Variants in FHOD3 observed in about 807,000 individuals in gnomAD.
FHOD3 encodes formin homology 2 domain containing 3, also known as FH1/FH2 domain-containing protein 3.
FHOD3 carries 90 observed loss-of-function variants against 173.0 expected under a neutral mutation model. The observed-to-expected ratio is 0.52, with a 90% confidence interval of 0.44 to 0.62. The LOEUF (loss-of-function observed/expected upper bound fraction) is 0.62, where lower values mean the gene tolerates loss of function less well. Ranked by LOEUF, FHOD3 falls within the 20% of genes least tolerant of loss-of-function variation. The pLI is 0.00. For synonymous variants in FHOD3, 828 were observed against 823.0 expected, an observed-to-expected ratio of 1.01 and a Z score of -0.10; for missense variants, 1,945 against 2,034.7, an observed-to-expected ratio of 0.96 and a Z score of 0.85.
chr18:36,680,240 T>A (rs1326398321), intron 14 of FHOD3, among the ~76,000 whole-genome samples: 2 of 152,294 alleles, frequency 1.3e-5, no homozygotes, highest in East Asian at 3.9e-4. Flanking sequence ...GTGATAGCCA[T>A]AGGTGACTCA....
At chr18:36,731,892 G>T (rs1324466323) in intron 20 of FHOD3, among the ~76,000 whole-genome samples, 11 of 152,208 alleles carry the variant, frequency 7.2e-5, no homozygotes, top group Admixed American at 6.5e-4. Flanking sequence ...ATTACTAGAG[G>T]CCTGAACTGC....
chr18:36,484,990 G>T lies in FHOD3; in HGVS notation c.338-16942G>T, dbSNP rs975982290. Among the ~76,000 whole-genome samples the T allele has an allele frequency of 6.6e-5, 10 of 152,136 alleles. 1 individual carries two copies. The highest frequency in any genetic ancestry group is 2.4e-4 in the African/African-American group (10 of 41,418). ...TGTGGCCCACACAGAGGGTGTGGTC[G>T]AGCCAACTTCATTCCCGGTGATCAC... On this transcript the variant is annotated intron_variant, in intron 3 of 28. Coordinates refer to ENST00000590592, the MANE Select transcript of FHOD3 (RefSeq NM_001281740.3).
At chr18:36,587,978 G>A (rs7240953) in intron 6 of FHOD3, among the ~76,000 whole-genome samples, 47,619 of 152,160 alleles carry the variant, frequency 0.31, 7,886 homozygotes, top group African/African-American at 0.37. Flanking sequence ...AGGCCCTGAG[G>A]CTGGACCACA....
intron 28 of FHOD3, among the ~76,000 whole-genome samples, chr18:36,773,947 C>T (rs767229450): frequency 4.6e-5 from 7 of 152,182 alleles, no homozygotes; most frequent in South Asian, 2.1e-4. Context: ...CTGACACTCT[C>T]GACTTAATCT....
intron 4 of FHOD3, among the ~76,000 whole-genome samples, chr18:36,507,759 C>G (rs1005150960): frequency 2.4e-4 from 36 of 152,238 alleles, no homozygotes; most frequent in African/African-American, 8.7e-4. Context: ...CTAAGCTGAA[C>G]ACAACAAACT....
chr18:36,707,033 C>G (rs1755869028), intron 17 of FHOD3, among the ~76,000 whole-genome samples: 1 of 152,132 alleles, frequency 6.6e-6, no homozygotes, highest in Non-Finnish European at 1.5e-5. Flanking sequence ...CCTTCAGTAC[C>G]AAAGGGAATG....
chr18:36,681,687 AT>A, intron 15 of FHOD3, 117 bp downstream of exon 15: 1 of 1,262,482 alleles, frequency 7.9e-7, no homozygotes, highest in Non-Finnish European at 1.1e-6. Context: ...TTCTGTCTGT[AT>A]TTTTAAGGAA....
chr18:36,666,444 G>A (rs75398330), intron 14 of FHOD3, among the ~76,000 whole-genome samples: 1 of 152,254 alleles, frequency 6.6e-6, no homozygotes, highest in East Asian at 1.9e-4. Flanking sequence ...TTACAACTGG[G>A]CATAACTTAG....
At chr18:36,743,943 G>A in intron 22 of FHOD3, 89 bp from the exon 23 acceptor site, 2 of 1,417,200 alleles carry the variant, frequency 1.4e-6, no homozygotes, top group Non-Finnish European at 2.0e-6. Flanking sequence ...AATGTTGGGT[G>A]ACTGCAGCCA....
Position 36,693,225 on chromosome 18 carries a change from C to T in FHOD3, c.2038C>T (p.Gln680Ter). 6.2e-7 allele frequency: 1 copy of T among 1,613,496 alleles called. No homozygotes were observed. The highest frequency in any genetic ancestry group is 8.5e-7 in the Non-Finnish European group (1 of 1,179,716). Residue 680 changes from glutamine (Q) to a stop codon, truncating the protein, a stop_gained, in exon 17 of 29, where the codon CAG becomes TAG. Transcript: ENST00000590592. LOFTEE classifies it high-confidence loss of function. ...AACTTTCAGATACAAATACTTGGAA[C>T]AGTTGGCAGCTGAGGAGCACGAGAA... ...AREERYKYLE[Q>*]LAAEEHEKEL... is the part of the protein sequence containing the mutation.
intron 15 of FHOD3, 124 bp downstream of exon 15, chr18:36,681,694 A>G (rs1047014159): frequency 1.7e-6 from 2 of 1,195,938 alleles, no homozygotes; most frequent in African/African-American, 3.1e-5. Context: ...TGTATTTTTA[A>G]GGAAGAGAAA....
chr18:36,551,496 GATTTA>G (rs1309986780), intron 5 of FHOD3, among the ~76,000 whole-genome samples: 1 of 151,764 alleles, frequency 6.6e-6, no homozygotes, highest in Non-Finnish European at 1.5e-5. Flanking sequence ...TTAATTAATT[GATTTA>G]ATTAGATCCC....
intron 3 of FHOD3, among the ~76,000 whole-genome samples, chr18:36,421,963 A>G (rs1463318856): frequency 6.6e-6 from 1 of 152,256 alleles, no homozygotes. Flanking sequence ...TCAACAATGT[A>G]TACAAACCTT....
intron 1 of FHOD3, among the ~76,000 whole-genome samples, chr18:36,301,172 C>T (rs1447201165): frequency 2.0e-5 from 3 of 152,164 alleles, no homozygotes; most frequent in African/African-American, 7.2e-5. Flanking sequence ...CTCAGAGGGT[C>T]CTAATTTTTA....
chr18:36,549,474 T>C (rs1363643357), intron 5 of FHOD3, among the ~76,000 whole-genome samples: 7 of 151,634 alleles, frequency 4.6e-5, no homozygotes, highest in African/African-American at 1.2e-4. Flanking sequence ...TTGAAGAAAT[T>C]CAGTTTATAA....
intron 5 of FHOD3, among the ~76,000 whole-genome samples, chr18:36,556,992 C>A (rs1357112381): frequency 2.6e-5 from 4 of 152,120 alleles, no homozygotes; most frequent in South Asian, 2.1e-4. Flanking sequence ...ATATGTTGAT[C>A]CATTTTCCTC....
intron 5 of FHOD3, among the ~76,000 whole-genome samples, chr18:36,548,493 G>A (rs774575441): frequency 2.0e-5 from 3 of 152,114 alleles, no homozygotes; most frequent in Non-Finnish European, 2.9e-5. Context: ...TTGGACATAC[G>A]TGTACACAGT....
At chr18:36,327,785 G>A (rs2044749918) in intron 1 of FHOD3, among the ~76,000 whole-genome samples, 1 of 152,150 alleles carries the variant, frequency 6.6e-6, no homozygotes, top group South Asian at 2.1e-4. Flanking sequence ...TCTACAAAGG[G>A]CCACATAGTA....
chr18:36,516,145 C>T (rs1218716357), intron 5 of FHOD3, among the ~76,000 whole-genome samples: 1 of 152,060 alleles, frequency 6.6e-6, no homozygotes, highest in Non-Finnish European at 1.5e-5. Flanking sequence ...TAACTGCTGG[C>T]AGCCACTGGA....
Sources: gnomAD v4.1 joint callset for allele counts (sites outside exome capture counted in the v4.1 genomes callset) on GRCh38, gnomAD v4.1.1 for gene constraint, MANE v1.5 for transcripts, NCBI Gene and HGNC (gene_info 2026-07-23, HGNC 2026-07-21) for gene names.